The following WWC2 variants were observed in gnomAD, a reference collection of about 807,000 sequenced individuals.
WWC2 encodes the protein WW and C2 domain containing 2, also known as protein WWC2.
A neutral mutation model predicts 138.5 loss-of-function variants in WWC2; 101 were observed. The ratio of observed to expected loss-of-function variants is 0.73; its 90% CI spans 0.62 to 0.86. WWC2 has a LOEUF of 0.86. Among genes scored for constraint, WWC2 ranks in the 40% least tolerant of loss-of-function variants. WWC2 has a pLI of 0.00. For synonymous variants in WWC2, 558 were observed against 538.4 expected, an observed-to-expected ratio of 1.04 and a Z score of -0.50; for missense variants, 1,420 against 1,419.4, an observed-to-expected ratio of 1.00 and a Z score of -0.01.
chr4:183,140,067 C>T (rs1338670075), intron 1 of WWC2, among the ~76,000 whole-genome samples: 6 of 152,228 alleles, frequency 3.9e-5, no homozygotes, highest in Admixed American at 3.3e-4. Context: ...CTGCCTCTGC[C>T]TTACAAAGTC....
chr4:183,196,860 G>T (rs1482779149), intron 2 of WWC2, among the ~76,000 whole-genome samples: 1 of 152,056 alleles, frequency 6.6e-6, no homozygotes, highest in African/African-American at 2.4e-5. Flanking sequence ...ACAGGTCCCC[G>T]TCCCATTCTG....
intron 1 of WWC2, among the ~76,000 whole-genome samples, chr4:183,193,379 A>G (rs892051151): frequency 1.3e-5 from 2 of 152,098 alleles, no homozygotes; most frequent in African/African-American, 4.8e-5. Context: ...TTATTTATTT[A>G]GTGTATAGAT....
At chr4:183,166,064 G>T (rs1734119993) in intron 1 of WWC2, among the ~76,000 whole-genome samples, 1 of 152,126 alleles carries the variant, frequency 6.6e-6, no homozygotes, top group East Asian at 1.9e-4. Flanking sequence ...GAGATCTTGT[G>T]TTAGTAATGA....
intron 1 of WWC2, among the ~76,000 whole-genome samples, chr4:183,125,182 T>A (rs1206632262): frequency 2.6e-5 from 4 of 152,178 alleles, no homozygotes; most frequent in Non-Finnish European, 5.9e-5. Context: ...GCTTGTTTCC[T>A]GGAGTGAAGA....
chr4:183,201,601 A>G (rs1035226754), intron 2 of WWC2, among the ~76,000 whole-genome samples: 5 of 152,200 alleles, frequency 3.3e-5, no homozygotes, highest in African/African-American at 1.2e-4. Flanking sequence ...CCTGTGGGCC[A>G]AGTCAGATGC....
At chr4:183,228,265 G>C (rs1404867304) in intron 4 of WWC2, among the ~76,000 whole-genome samples, 1 of 152,012 alleles carries the variant, frequency 6.6e-6, no homozygotes, top group Non-Finnish European at 1.5e-5. Context: ...TAATGTGTCC[G>C]TTAAAATGTG....
intron 14 of WWC2, among the ~76,000 whole-genome samples, chr4:183,268,247 A>G (rs1214215728): frequency 6.6e-6 from 1 of 152,198 alleles, no homozygotes; most frequent in Non-Finnish European, 1.5e-5. Context: ...GATTTAAAGG[A>G]AGTTACCTCA....
At chr4:183,311,471 C>T (rs896065652) in intron 21 of WWC2, among the ~76,000 whole-genome samples, 24 of 152,080 alleles carry the variant, frequency 1.6e-4, no homozygotes, top group South Asian at 4.2e-4. Flanking sequence ...TGGGAACCCT[C>T]GGGGCAGAGC....
chr4:183,289,545 G>T lies in WWC2; in HGVS notation c.3294G>T (p.Glu1098Asp). 1 of 1,614,002 alleles carries T rather than the reference G, an allele frequency of 6.2e-7. No individual in the cohort carries two copies. The highest frequency in any genetic ancestry group is 8.5e-7 in the Non-Finnish European group (1 of 1,179,888). The change falls in exon 21 of 23, where the codon GAG becomes GAT. Residue 1098 changes from glutamate to aspartate, a missense_variant. Physicochemically the swap from Glu to Asp is conservative, Grantham distance 45. Coordinates refer to ENST00000403733, the MANE Select transcript of WWC2 (RefSeq NM_024949.6). ...TGAGGGACTTGCGGCAGAAGCTGGA[G>T]GAACTGAAAGCTCAGGGAGAGACTG... ...QALRDLRQKL[E>D]ELKAQGETDL...
intron 4 of WWC2, among the ~76,000 whole-genome samples, chr4:183,232,089 G>A (rs1415565238): frequency 2.0e-5 from 3 of 152,198 alleles, no homozygotes; most frequent in Admixed American, 6.5e-5. Flanking sequence ...AAAGGTTGTG[G>A]ATGCGCATCT....
intron 1 of WWC2, among the ~76,000 whole-genome samples, chr4:183,146,801 A>G (rs1265779322): frequency 6.6e-6 from 1 of 152,226 alleles, no homozygotes; most frequent in Non-Finnish European, 1.5e-5. Context: ...GGTGAAGCCA[A>G]AAGTGAAATC....
At chr4:183,311,118 A>G (rs1406029013) in intron 21 of WWC2, among the ~76,000 whole-genome samples, 2 of 152,142 alleles carry the variant, frequency 1.3e-5, no homozygotes. Context: ...ACCTTTCCTT[A>G]AAAGACAGTC....
At chr4:183,161,933 A>G (rs1040774086) in intron 1 of WWC2, among the ~76,000 whole-genome samples, 3 of 152,196 alleles carry the variant, frequency 2.0e-5, no homozygotes, top group South Asian at 2.1e-4. Flanking sequence ...TCAGATATGT[A>G]CTCATAGGAA....
At chr4:183,132,325 C>T (rs181738702) in intron 1 of WWC2, among the ~76,000 whole-genome samples, 70 of 152,190 alleles carry the variant, frequency 4.6e-4, no homozygotes, top group South Asian at 1.7e-3. Context: ...ACAGGGAGTA[C>T]TTTCAATGTA....
chr4:183,127,029 G>A (rs555710732), intron 1 of WWC2, among the ~76,000 whole-genome samples: 44 of 151,938 alleles, frequency 2.9e-4, no homozygotes, highest in African/African-American at 1.0e-3. Flanking sequence ...AAGCCACCAT[G>A]CCTAGCCAGG....
At chr4:183,182,041 A>G (rs1433866483) in intron 1 of WWC2, among the ~76,000 whole-genome samples, 2 of 152,198 alleles carry the variant, frequency 1.3e-5, no homozygotes, top group Non-Finnish European at 2.9e-5. Flanking sequence ...ATATCTACAT[A>G]TGTATATATT....
rs572502274 is a variant in WWC2 at position 183,105,701 on chromosome 4, T to C, written c.131+6079T>C. 5.3e-5 allele frequency among the ~76,000 whole-genome samples: 8 copies of C among 152,190 alleles called. No individual in the cohort carries two copies. In the East Asian group the frequency reaches 1.6e-3, roughly 30 times the overall value. The stretch of plus-strand genomic sequence containing the variant: ...GTCAGGAGATGCAGACCATCCTGGC[T>C]AACACAGTGAAACCCTGTCTCTACT... On this transcript the variant is annotated intron_variant, in intron 1 of 22. Transcript: ENST00000403733.
At chr4:183,106,618 A>T (rs1487150279) in intron 1 of WWC2, among the ~76,000 whole-genome samples, 1 of 152,160 alleles carries the variant, frequency 6.6e-6, no homozygotes, top group Non-Finnish European at 1.5e-5. Flanking sequence ...GCAAAAACTG[A>T]TCTACTTTGT....
intron 15 of WWC2, 66 bp from the exon 16 acceptor site, chr4:183,271,014 T>C: frequency 7.4e-7 from 1 of 1,352,538 alleles, no homozygotes; most frequent in Non-Finnish European, 9.7e-7. Context: ...TCAGAACAAA[T>C]ACTAATTTAA....
Sources: gnomAD v4.1 joint callset for allele counts (sites outside exome capture counted in the v4.1 genomes callset) on GRCh38, gnomAD v4.1.1 for gene constraint, MANE v1.5 for transcripts, NCBI Gene and HGNC (gene_info 2026-07-23, HGNC 2026-07-21) for gene names.